Variants in CTR9 observed in about 807,000 individuals in gnomAD.
CTR9 encodes CTR9 component of Paf1/RNA polymerase II complex, also known as RNA polymerase-associated protein CTR9 homolog.
In CTR9, 41 loss-of-function variants were observed where a neutral mutation model predicts 152.1. The ratio of observed to expected loss-of-function variants is 0.27; its 90% confidence interval spans 0.21 to 0.35. The LOEUF (loss-of-function observed/expected upper bound fraction) is 0.35. Ranked by LOEUF, CTR9 falls within the 10% of genes least tolerant of loss-of-function variation. The pLI is 1.00. For synonymous variants in CTR9, 476 were observed against 496.2 expected (o/e 0.96, Z 0.54); for missense variants, 917 against 1,424.4 (o/e 0.64, Z 5.73).
rs182903182 is a variant in CTR9 at position 10,755,086 on chromosome 11, G to A, written c.273G>A (p.Ala91=). ...DQMTCLDTLA[A]YYVQQARKEK... Reference sequence around the variant, plus strand: ...TGACTTGCTTGGATACATTGGCAGCGTATTATGTACAACAGGCTCGGAAAG... The same window carrying A: ...TGACTTGCTTGGATACATTGGCAGCATATTATGTACAACAGGCTCGGAAAG... Residue 91 remains alanine, a synonymous_variant, in exon 3 of 25, where the codon GCG becomes GCA. Coordinates refer to ENST00000361367, the MANE Select transcript of CTR9 (RefSeq NM_014633.5). 4.9e-5 allele frequency: 79 copies of A among 1,614,030 alleles called. No homozygotes were observed. The Middle Eastern group carries it at 6.6e-4, about 13-fold the overall frequency.
At chr11:10,766,260 T>G (rs1863057750) in intron 12 of CTR9, 142 bp from the exon 13 acceptor site, 1 of 644,854 alleles carries the variant, frequency 1.6e-6, no homozygotes, top group East Asian at 2.9e-5. Flanking sequence ...GATGGATGAT[T>G]GATATTTTTT....
At position 10,768,572 on chromosome 11, in the gene CTR9, T is replaced by C; in HGVS notation, c.2109+81T>C. On this transcript the variant is annotated intron_variant, in intron 16 of 24. Transcript: ENST00000361367. ...TTTCTTAGCCATTCTGGCCCTGTCATGGAGCTGCATGCTATCTCTTGTGAT... is the reference window on the plus strand; with the variant it reads ...TTTCTTAGCCATTCTGGCCCTGTCACGGAGCTGCATGCTATCTCTTGTGAT... 5 of 1,346,784 alleles carry C rather than the reference T, an allele frequency of 3.7e-6. No homozygotes were observed. In the South Asian group the frequency reaches 5.9e-5, roughly 16 times the overall value. The allele number at this position is 1,346,784 out of a possible 1,614,324, so 83.4% of individuals were successfully genotyped here.
intron 2 of CTR9, among the ~76,000 whole-genome samples, chr11:10,753,731 A>G (rs945881001): frequency 2.0e-5 from 3 of 150,310 alleles, no homozygotes; most frequent in Admixed American, 2.0e-4. Context: ...GCCCTCCTTA[A>G]CAGCACTTAA....
chr11:10,756,010 G>A (rs558919695), intron 4 of CTR9, among the ~76,000 whole-genome samples: 4 of 152,306 alleles, frequency 2.6e-5, no homozygotes, highest in South Asian at 2.1e-4. Context: ...GCCAGGCATG[G>A]TATAATCTCA....
chr11:10,751,418 G>T lies in CTR9; in HGVS notation c.6G>T (p.Ser2=), dbSNP rs1334187115. The change falls in exon 1 of 25, where the codon TCG becomes TCT. Residue 2 remains serine (S), a synonymous_variant. Transcript: ENST00000361367. M[S]RGSIEIPLRD... ...GCTCGCCTTTTGACCCCATCATGTC[G>T]CGGGGCTCCATCGAGATTCCCCTCC... The T allele has an allele frequency of 1.9e-6, 3 of 1,613,248 alleles. No individual in the cohort carries two copies. Among genetic ancestry groups the T allele is most frequent in the Non-Finnish European group, 2.5e-6 (3 of 1,180,000 alleles).
intron 15 of CTR9, 52 bp downstream of exon 15, chr11:10,768,213 C>G: frequency 6.3e-7 from 1 of 1,577,392 alleles, no homozygotes; most frequent in African/African-American, 1.4e-5. Flanking sequence ...TGAATACTTT[C>G]AGAGGAATGT....
chr11:10,773,373 T>C, intron 21 of CTR9, 100 bp downstream of exon 21: 1 of 1,411,064 alleles, frequency 7.1e-7, no homozygotes, highest in Non-Finnish European at 9.7e-7. Flanking sequence ...CTTACTAGTT[T>C]TGACTTCCTC....
At position 10,764,142 on chromosome 11, in the gene CTR9, C is replaced by T; in HGVS notation, c.1225C>T (p.Pro409Ser). The T allele has an allele frequency of 6.2e-7, 1 of 1,614,126 alleles. No homozygotes were observed. The highest frequency in any genetic ancestry group is 8.5e-7 in the Non-Finnish European group (1 of 1,179,998). The part of the protein sequence containing the change: ...GHLKKVTEQY[P>S]DDVEAWIELA... Reference sequence around the variant, plus strand: ...TTTGAAGAAGGTCACAGAACAGTATCCCGATGATGTTGAAGCTTGGATTGA... The same window carrying T: ...TTTGAAGAAGGTCACAGAACAGTATTCCGATGATGTTGAAGCTTGGATTGA... Residue 409 changes from proline (P) to serine (S), a missense_variant, in exon 10 of 25, where the codon CCC becomes TCC. Physicochemically the swap from Pro to Ser is moderately conservative, Grantham distance 74. Transcript: ENST00000361367.
At chr11:10,768,888 CTG>C (rs1168450427) in intron 16 of CTR9, among the ~76,000 whole-genome samples, 1 of 152,198 alleles carries the variant, frequency 6.6e-6, no homozygotes, top group Non-Finnish European at 1.5e-5. Flanking sequence ...TGAAACTGAA[CTG>C]TGAGTTTTAG....
Position 10,766,465 on chromosome 11 carries a change from T to A in CTR9, c.1661T>A (p.Phe554Tyr), listed in dbSNP as rs764004043. The A allele has an allele frequency of 3.1e-6, 5 of 1,608,794 alleles. No individual in the cohort carries two copies. Among genetic ancestry groups the A allele is most frequent in the Admixed American group, 3.4e-5 (2 of 58,506 alleles). Residue 554 changes from phenylalanine (F) to tyrosine (Y), a missense_variant, in exon 13 of 25, where the codon TTT becomes TAT. Around this residue, in one of 9 missense-constraint regions of CTR9, gnomAD observed 87 missense variants for 235.7 expected, o/e 0.37. Coordinates refer to ENST00000361367, the MANE Select transcript of CTR9 (RefSeq NM_014633.5). ...KGNFYEASDW[F>Y]KEALQINQDH... ...AACTTTTATGAGGCTTCAGATTGGT[T>A]TAAGGAAGCTCTTCAGATTAATCAG...
chr11:10,771,136 G>A (rs1273720456), intron 18 of CTR9, among the ~76,000 whole-genome samples: 1 of 152,126 alleles, frequency 6.6e-6, no homozygotes, highest in East Asian at 1.9e-4. Flanking sequence ...TATTTATATG[G>A]TGAGTCAGTG....
At position 10,764,724 on chromosome 11, in the gene CTR9, T is replaced by C. The variant is rs766984488; in HGVS notation, c.1590T>C (p.Tyr530=). 7 of 1,592,792 alleles carry C rather than the reference T, an allele frequency of 4.4e-6. No individual in the cohort carries two copies. In the Admixed American group the frequency reaches 6.7e-5, roughly 15 times the overall value. ...ACATCTTACGCGAACATCCTAATTA[T>C]GTTGACTGTAAGGATTTTAAACTTC... is the stretch of plus-strand genomic sequence containing the variant. The part of the protein sequence containing the change: ...YKNILREHPN[Y]VDCYLRLGAM... Residue 530 remains tyrosine, a synonymous_variant, in exon 12 of 25, where the codon TAT becomes TAC. Transcript: ENST00000361367.
intron 6 of CTR9, among the ~76,000 whole-genome samples, chr11:10,761,192 A>G (rs1005661254): frequency 9.2e-5 from 14 of 152,178 alleles, no homozygotes; most frequent in African/African-American, 3.4e-4. Flanking sequence ...CAATTGTGAT[A>G]ACCAAACATG....
At chr11:10,751,563 G>A in intron 1 of CTR9, 106 bp downstream of exon 1, 1 of 1,118,424 alleles carries the variant, frequency 8.9e-7, no homozygotes, top group South Asian at 1.3e-5. Context: ...CCTTCCCTAA[G>A]AGCCCTGATC....
rs1167352682 is a variant in CTR9, at chr11:10,764,544, A to G, written c.1414-4A>G. 1.2e-6 allele frequency: 2 copies of G among 1,603,588 alleles called. No individual in the cohort carries two copies. Among genetic ancestry groups the G allele is most frequent in the South Asian group, 1.1e-5 (1 of 90,396 alleles). On this transcript the variant is annotated splice_region_variant and splice_polypyrimidine_tract_variant and intron_variant, in intron 11 of 24. Coordinates refer to ENST00000361367, the MANE Select transcript of CTR9 (RefSeq NM_014633.5). ...TTTAACAGTGTGATTTTTCTTTCTCATAGAAATATTTTTTGGCGTCATTGG... is the reference window on the plus strand; with the variant it reads ...TTTAACAGTGTGATTTTTCTTTCTCGTAGAAATATTTTTTGGCGTCATTGG...
In CTR9 at chr11:10,760,298, G is replaced by A. The variant is rs767076500; in HGVS notation, c.718G>A (p.Val240Ile). The change falls in exon 6 of 25, where the codon GTT becomes ATT. Residue 240 changes from valine (V) to isoleucine (I), a missense_variant. By Grantham distance (29) the Val-to-Ile change is conservative. Coordinates refer to ENST00000361367, the MANE Select transcript of CTR9 (RefSeq NM_014633.5). ...CGTGGGAGCATTGGTTGGACTGGCT[G>A]TTCTAGAACTCAACAATAAAGAGGT... is the stretch of plus-strand genomic sequence containing the variant. ...KCVGALVGLA[V>I]LELNNKEADS... 3.1e-6 allele frequency: 5 copies of A among 1,613,728 alleles called. No individual in the cohort carries two copies. In the Admixed American group the frequency reaches 8.3e-5, roughly 27 times the overall value.
At chr11:10,768,290 T>C in intron 15 of CTR9, 53 bp from the exon 16 acceptor site, 1 of 1,584,142 alleles carries the variant, frequency 6.3e-7, no homozygotes, top group Non-Finnish European at 8.6e-7. Flanking sequence ...TTTTAGTTGT[T>C]TTTCTGACTC....
chr11:10,753,800 A>C (rs1055863910), intron 2 of CTR9, among the ~76,000 whole-genome samples: 2 of 152,032 alleles, frequency 1.3e-5, no homozygotes, highest in Admixed American at 6.6e-5. Flanking sequence ...AATTAATGAC[A>C]CATTGTGGGA....
intron 24 of CTR9, among the ~76,000 whole-genome samples, chr11:10,777,690 T>C (rs973204728): frequency 2.0e-5 from 3 of 152,266 alleles, no homozygotes; most frequent in African/African-American, 7.2e-5. Flanking sequence ...AGCTTTGTCC[T>C]GACCATCATA....
Sources: allele counts gnomAD v4.1 joint callset (sites outside exome capture counted in the v4.1 genomes callset), GRCh38; gene constraint gnomAD v4.1.1; regional missense constraint gnomAD v4.1.1; transcripts MANE v1.5; gene names NCBI Gene and HGNC (gene_info 2026-07-23, HGNC 2026-07-21).